HERC2: variants seen among roughly 807,000 people sequenced by gnomAD.
HERC2 encodes E3 ubiquitin-protein ligase HERC2.
Under a neutral mutation model 537.7 loss-of-function variants are expected in HERC2, and 102 were observed. The observed-to-expected ratio is 0.19, with a 90% CI of 0.16 to 0.22. The LOEUF (loss-of-function observed/expected upper bound fraction) is 0.22. Ranked by LOEUF, HERC2 falls within the 10% of genes least tolerant of loss-of-function variation. The pLI is 1.00. For missense variants in HERC2, 4,236 were observed against 6,198.2 expected (o/e 0.68, Z 10.63); for synonymous variants, 2,224 against 2,466.2 (o/e 0.90, Z 2.91).
chr15:28,176,020 C>T lies in HERC2; in HGVS notation c.9687-364G>A, dbSNP rs556761688. 9.2e-5 allele frequency among the ~76,000 whole-genome samples: 14 copies of T among 152,288 alleles called. No individual in the cohort carries two copies. The highest frequency in any genetic ancestry group is 5.9e-4 in the Admixed American group (9 of 15,302). The stretch of plus-strand genomic sequence containing the variant: ...ACATTGGCACTAAGGCCTGACACAC[C>T]ATCCACAGCCAGTCCAGGCACCTGC... On this transcript the variant is annotated intron_variant, in intron 63 of 92. Coordinates refer to ENST00000261609, the MANE Select transcript of HERC2 (RefSeq NM_004667.6). This position sits in a 1 kb window ranked among gnomAD's most constrained non-coding sequence, Gnocchi z 5.0.
At chr15:28,275,739 C>T (rs529345766) in intron 5 of HERC2, among the ~76,000 whole-genome samples, 156 of 151,656 alleles carry the variant, frequency 1.0e-3, no homozygotes, top group Admixed American at 2.9e-3. Flanking sequence ...GCCAAGATCG[C>T]GCCACTGCAC....
rs76266110 is a variant in HERC2, at chr15:28,299,627, G to A, written c.73-111C>T. The A allele has an allele frequency of 7.8e-5, 48 of 617,406 alleles. No homozygotes were observed. The East Asian group carries it at 1.2e-3, about 15-fold the overall frequency. The allele number at this position is 617,406 out of a possible 1,614,324, so 38.2% of individuals were successfully genotyped here. A position where few individuals can be genotyped will look rare whatever the true frequency, so the allele number is the denominator to read the frequency against. On this transcript the variant is annotated intron_variant, in intron 2 of 92. Transcript: ENST00000261609. The stretch of plus-strand genomic sequence containing the variant: ...TCCCCCTTATGTATTCGATCATTTG[G>A]TAATAAAATCAATGATTTACTGAAT...
chr15:28,268,899 G>A lies in HERC2; in HGVS notation c.1447-283C>T, dbSNP rs569804107. On this transcript the variant is annotated intron_variant, in intron 11 of 92. Transcript: ENST00000261609. This position sits in a 1 kb window ranked among gnomAD's most constrained non-coding sequence, Gnocchi z 4.7. ...CGCAGCCGACAGGGAGGAACACCTC[G>A]CTTTAATGAAAACATGCCACGTCCC... Among the ~76,000 whole-genome samples, 37 of 152,166 alleles carry A rather than the reference G, an allele frequency of 2.4e-4. No homozygotes were observed. In the South Asian group the frequency reaches 3.5e-3, roughly 15 times the overall value.
At chr15:28,321,260 A>C (rs1227870339) in intron 2 of HERC2, 102 bp downstream of exon 2, 1 of 633,546 alleles carries the variant, frequency 1.6e-6, no homozygotes. Flanking sequence ...ATTCAGCAAG[A>C]TACAACTGAC....
At chr15:28,270,542 A>G (rs961464991) in intron 10 of HERC2, among the ~76,000 whole-genome samples, 153 bp downstream of exon 10, 1 of 152,088 alleles carries the variant, frequency 6.6e-6, no homozygotes, top group African/African-American at 2.4e-5. Context: ...CTCAACACGG[A>G]TAACACCTTC....
chr15:28,320,115 C>T (rs1252883314), intron 2 of HERC2: 3 of 151,830 alleles, frequency 2.0e-5, no homozygotes, highest in Non-Finnish European at 2.9e-5. Context: ...CCATCATCCA[C>T]AACAGCTTTT....
intron 14 of HERC2, among the ~76,000 whole-genome samples, chr15:28,264,832 CT>C (rs2075518210): frequency 6.6e-6 from 1 of 152,118 alleles, no homozygotes; most frequent in Admixed American, 6.5e-5. Context: ...CAGCAGGAGC[CT>C]TTCAGATGAG....
intron 5 of HERC2, among the ~76,000 whole-genome samples, chr15:28,279,779 C>T (rs1303143251): frequency 6.6e-6 from 1 of 152,038 alleles, no homozygotes; most frequent in African/African-American, 2.4e-5. Flanking sequence ...CACCACTGCA[C>T]CCCAGCCTGG....
At chr15:28,219,635 G>A (rs182696278) in intron 37 of HERC2, among the ~76,000 whole-genome samples, 24 of 152,286 alleles carry the variant, frequency 1.6e-4, no homozygotes, top group Admixed American at 1.3e-4. Context: ...GAGCCCAGAC[G>A]GTGCGCTATG....
intron 5 of HERC2, among the ~76,000 whole-genome samples, chr15:28,276,110 T>C (rs1454439622): frequency 7.3e-6 from 1 of 137,160 alleles, no homozygotes; most frequent in Non-Finnish European, 1.5e-5. Flanking sequence ...CACTTAAACC[T>C]GGGAGACAAA....
At chr15:28,129,824 T>C (rs1449658454) in intron 83 of HERC2, among the ~76,000 whole-genome samples, 1 of 146,180 alleles carries the variant, frequency 6.8e-6, no homozygotes, top group Non-Finnish European at 1.5e-5. Context: ...GTCACCAGGC[T>C]GGAGTGCAAT....
chr15:28,297,307 A>C (rs949315382), intron 3 of HERC2, among the ~76,000 whole-genome samples: 30 of 152,152 alleles, frequency 2.0e-4, no homozygotes, highest in Admixed American at 5.2e-4. Flanking sequence ...GTCATCTCCC[A>C]AATTCAGATA....
intron 23 of HERC2, among the ~76,000 whole-genome samples, chr15:28,243,855 C>G (rs879454577): frequency 2.0e-5 from 3 of 152,072 alleles, no homozygotes; most frequent in Non-Finnish European, 4.4e-5. Flanking sequence ...AAGAGTCCCA[C>G]CAAGAAACAG....
chr15:28,244,374 G>C (rs1903450897), intron 23 of HERC2, among the ~76,000 whole-genome samples: 1 of 152,172 alleles, frequency 6.6e-6, no homozygotes, highest in African/African-American at 2.4e-5. Flanking sequence ...AGAACAGACA[G>C]AATTAAAATG....
intron 2 of HERC2, among the ~76,000 whole-genome samples, chr15:28,321,102 A>G (rs2077216162): frequency 6.6e-6 from 1 of 152,132 alleles, no homozygotes; most frequent in Non-Finnish European, 1.5e-5. Context: ...ACCAGTAATA[A>G]TAAATAGGAA....
At chr15:28,155,435 C>G (rs970907059) in intron 69 of HERC2, among the ~76,000 whole-genome samples, 2 of 152,114 alleles carry the variant, frequency 1.3e-5, no homozygotes, top group Non-Finnish European at 2.9e-5. Context: ...CTGTTGTTTC[C>G]TGACTTTTTA....
intron 68 of HERC2, among the ~76,000 whole-genome samples, chr15:28,166,194 T>G (rs186060513): frequency 1.1e-4 from 17 of 152,306 alleles, no homozygotes; most frequent in Non-Finnish European, 1.9e-4. Context: ...ATTGCTATAA[T>G]ATCCAAACCA....
At chr15:28,250,741 G>A (rs892745602) in intron 20 of HERC2, among the ~76,000 whole-genome samples, 1 of 152,074 alleles carries the variant, frequency 6.6e-6, no homozygotes, top group African/African-American at 2.4e-5. Context: ...AACTGCATCT[G>A]CCAAGTCAAC....
chr15:28,115,444 G>C lies in HERC2; in HGVS notation c.13707C>G (p.Ile4569Met), dbSNP rs762092163. The change falls in exon 89 of 93, where the codon ATC becomes ATG. Residue 4569 changes from isoleucine to methionine, a missense_variant. Physicochemically the swap from Ile to Met is conservative, Grantham distance 10 (BLOSUM62 1). Transcript: ENST00000261609. The part of the protein sequence containing the change: ...WKQLAGMSLT[I>M]ADLSEVDKDF... ...AGGGAGTTACCTCACTGAGGTCCGCGATGGTGAGGCTCATCCCAGCCAGCT... is the reference window on the plus strand; with the variant it reads ...AGGGAGTTACCTCACTGAGGTCCGCCATGGTGAGGCTCATCCCAGCCAGCT... The C allele has an allele frequency of 3.1e-6, 5 of 1,613,644 alleles. No homozygotes were observed. In the East Asian group the frequency reaches 8.9e-5, roughly 29 times the overall value.
Sources: allele counts gnomAD v4.1 joint callset (sites outside exome capture counted in the v4.1 genomes callset), GRCh38; gene constraint gnomAD v4.1.1; non-coding constraint Gnocchi (gnomAD v3.1); transcripts MANE v1.5; gene names NCBI Gene and HGNC (gene_info 2026-07-23, HGNC 2026-07-21).